NYAP2: variants seen among roughly 807,000 people sequenced by gnomAD.
The protein encoded by NYAP2 is neuronal tyrosine-phosphorylated phosphoinositide-3-kinase adapter 2.
Under a neutral mutation model 50.4 loss-of-function variants are expected in NYAP2, and 23 were observed. The observed-to-expected ratio is 0.46, with a 90% CI of 0.33 to 0.65. The LOEUF (loss-of-function observed/expected upper bound fraction) is 0.65. Among genes scored for constraint, NYAP2 ranks in the 30% least tolerant of loss-of-function variants. The pLI is 0.02. For missense variants in NYAP2, 885 were observed against 861.0 expected, an observed-to-expected ratio of 1.03 and a Z score of -0.35; for synonymous variants, 394 against 365.2, an observed-to-expected ratio of 1.08 and a Z score of -0.90.
chr2:225,538,785 T>TTCTTTTCTTTTCTTTTCTTTTC (rs781189075), intron 4 of NYAP2, among the ~76,000 whole-genome samples: 1 of 9,566 alleles, frequency 1.0e-4, no homozygotes, highest in African/African-American at 4.0e-4. Context: ...TTCTTTTCTT[T>TTCTTTTCTTTTCTTTTCTTTTC]CTTTCTTTCT....
At chr2:225,545,378 A>G (rs971312648) in intron 4 of NYAP2, among the ~76,000 whole-genome samples, 1 of 151,672 alleles carries the variant, frequency 6.6e-6, no homozygotes, top group Non-Finnish European at 1.5e-5. Flanking sequence ...ATTGTTTTTT[A>G]TTCTTTTATT....
intron 5 of NYAP2, among the ~76,000 whole-genome samples, chr2:225,596,230 A>G (rs1692594220): frequency 1.3e-5 from 2 of 152,110 alleles, no homozygotes. Flanking sequence ...GGATATCCTC[A>G]TTAGTAATCA....
chr2:225,578,881 G>A (rs1692214907), intron 4 of NYAP2, among the ~76,000 whole-genome samples: 1 of 152,050 alleles, frequency 6.6e-6, no homozygotes, highest in Non-Finnish European at 1.5e-5. Context: ...ATTAGAGAGT[G>A]GTTTAAATTA....
rs567364084 is a variant in NYAP2 at position 225,582,360 on chromosome 2, C to A, written c.943C>A (p.Pro315Thr). The A allele has an allele frequency of 1.8e-5, 29 of 1,612,518 alleles. No homozygotes were observed. Among genetic ancestry groups the A allele is most frequent in the Non-Finnish European group, 2.1e-5 (25 of 1,178,708 alleles). Residue 315 changes from proline (P) to threonine (T), a missense_variant, in exon 5 of 7, where the codon CCC becomes ACC. Coordinates refer to ENST00000636099, the Ensembl canonical transcript of NYAP2. The surrounding 1 kb of genome is among the most constrained non-coding windows in gnomAD (Gnocchi z 7.0). ...CGCCAAGGCCTCAGTGCCATGCCCC[C>A]CCAAGGGGCTGCTTTGCGACATCCC...
chr2:225,439,299 G>A (rs1689433702), intron 3 of NYAP2, among the ~76,000 whole-genome samples: 1 of 152,206 alleles, frequency 6.6e-6, no homozygotes, highest in African/African-American at 2.4e-5. Context: ...GCCAGTGATG[G>A]CCTCATAGTT....
At chr2:225,589,616 G>A (rs1225335470) in intron 5 of NYAP2, among the ~76,000 whole-genome samples, 2 of 149,768 alleles carry the variant, frequency 1.3e-5, no homozygotes, top group East Asian at 2.0e-4. Context: ...GATCAGTTGA[G>A]TCTGGGAGTT....
exon 7 of NYAP2, chr2:225,652,753 C>T (rs896578417): frequency 2.0e-5 from 3 of 152,172 alleles, no homozygotes; most frequent in Non-Finnish European, 4.4e-5. Context: ...ATTACATATT[C>T]ATCTATTATT....
intron 3 of NYAP2, among the ~76,000 whole-genome samples, chr2:225,483,007 A>C (rs1255795420): frequency 6.6e-6 from 1 of 152,186 alleles, no homozygotes; most frequent in Non-Finnish European, 1.5e-5. Flanking sequence ...GTGTTTTCGT[A>C]AGAAATATGT....
intron 3 of NYAP2, among the ~76,000 whole-genome samples, chr2:225,415,924 T>C (rs1371967599): frequency 1.3e-5 from 2 of 152,000 alleles, no homozygotes; most frequent in Non-Finnish European, 2.9e-5. Context: ...AGAATTAAAC[T>C]CAAATCTGCA....
At chr2:225,430,734 CA>C (rs1487910835) in intron 3 of NYAP2, among the ~76,000 whole-genome samples, 4 of 151,532 alleles carry the variant, frequency 2.6e-5, no homozygotes, top group African/African-American at 7.3e-5. Context: ...TTATTAAAAC[CA>C]AAAACAAAGA....
At chr2:225,436,408 C>G (rs1361295572) in intron 3 of NYAP2, among the ~76,000 whole-genome samples, 1 of 152,126 alleles carries the variant, frequency 6.6e-6, no homozygotes, top group Non-Finnish European at 1.5e-5. Flanking sequence ...CTCTGGCATT[C>G]CTTGGTTTGT....
At chr2:225,591,439 T>C (rs1471745840) in intron 5 of NYAP2, among the ~76,000 whole-genome samples, 1 of 151,796 alleles carries the variant, frequency 6.6e-6, no homozygotes, top group Non-Finnish European at 1.5e-5. Flanking sequence ...AAGCCTAGAG[T>C]GGGAACATCA....
rs571208882 is a variant in NYAP2 at position 225,553,159 on chromosome 2, C to T, written c.524-28782C>T. Among the ~76,000 whole-genome samples, 8 of 152,326 alleles carry T rather than the reference C, an allele frequency of 5.3e-5. No homozygotes were observed. The East Asian group carries it at 1.2e-3, about 22-fold the overall frequency. On this transcript the variant is annotated intron_variant, in intron 4 of 6. Transcript: ENST00000636099. ...GCTCTGACGGGACGTCCCTGCCTGGCGGCGGCTGCTAATTCTGAAACATAA... is the reference window on the plus strand; with the variant it reads ...GCTCTGACGGGACGTCCCTGCCTGGTGGCGGCTGCTAATTCTGAAACATAA...
At chr2:225,455,639 T>A (rs1689727716) in intron 3 of NYAP2, among the ~76,000 whole-genome samples, 1 of 152,254 alleles carries the variant, frequency 6.6e-6, no homozygotes, top group African/African-American at 2.4e-5. Flanking sequence ...TATACTCCTA[T>A]AGCCTTTTGT....
intron 6 of NYAP2, among the ~76,000 whole-genome samples, chr2:225,631,744 G>A (rs942478440): frequency 6.6e-6 from 1 of 152,188 alleles, no homozygotes; most frequent in African/African-American, 2.4e-5. Flanking sequence ...ACTAGAAAAT[G>A]CCAAAAATGG....
In NYAP2 at chr2:225,582,464, C is replaced by T. The variant is rs752113253; in HGVS notation, c.1047C>T (p.Asn349=). ...CCGCCCCCGTGCATTGCTCCCCCAA[C>T]TCCGACGAGTCCCCGCTTACCCCTC... Residue 349 remains asparagine (N), a synonymous_variant, in exon 5 of 7, where the codon AAC becomes AAT. Transcript: ENST00000636099. This position sits in a 1 kb window ranked among gnomAD's most constrained non-coding sequence, Gnocchi z 7.0. The T allele has an allele frequency of 6.5e-7, 1 of 1,544,752 alleles. No homozygotes were observed.
chr2:225,637,052 T>TC (rs1693432154), intron 6 of NYAP2, among the ~76,000 whole-genome samples: 1 of 152,198 alleles, frequency 6.6e-6, no homozygotes, highest in Non-Finnish European at 1.5e-5. Context: ...CTATTTTTTT[T>TC]CCAAGTGAAA....
chr2:225,592,437 C>A (rs1232119995), intron 5 of NYAP2, among the ~76,000 whole-genome samples: 2 of 152,208 alleles, frequency 1.3e-5, no homozygotes, highest in Non-Finnish European at 2.9e-5. Flanking sequence ...CTTCTTAGCA[C>A]CACCTCTTTA....
chr2:225,404,388 A>G (rs1208925758), intron 2 of NYAP2, among the ~76,000 whole-genome samples: 1 of 152,000 alleles, frequency 6.6e-6, no homozygotes, highest in Non-Finnish European at 1.5e-5. Context: ...GACTTAGCTT[A>G]TGCTCCACAT....
Sources: gnomAD v4.1 joint callset for allele counts (sites outside exome capture counted in the v4.1 genomes callset) on GRCh38, gnomAD v4.1.1 for gene constraint, Gnocchi (gnomAD v3.1) non-coding constraint, MANE v1.5 for transcripts, NCBI Gene and HGNC (gene_info 2026-07-23, HGNC 2026-07-21) for gene names.